Variants in CREBRF observed in about 807,000 individuals in gnomAD.
CREBRF encodes the protein UPF0474 protein C5orf41.
In CREBRF, 5 loss-of-function variants were observed where a neutral mutation model predicts 66.1. The ratio of observed to expected loss-of-function variants is 0.08; its 90% CI spans 0.04 to 0.16. The LOEUF is 0.16. CREBRF is among the 10% of genes least tolerant of loss of function. CREBRF has a pLI of 1.00. For synonymous variants in CREBRF, 229 were observed against 264.4 expected, an observed-to-expected ratio of 0.87 and a Z score of 1.30; for missense variants, 531 against 744.9, an observed-to-expected ratio of 0.71 and a Z score of 3.34.
At chr5:173,109,191 A>T (rs1376301477) in intron 5 of CREBRF, 2 of 171,772 alleles carry the variant, frequency 1.2e-5, no homozygotes, top group African/African-American at 4.7e-5. Flanking sequence ...TAATCCCCAG[A>T]TGTAAATGGG....
intron 4 of CREBRF, chr5:173,092,214 C>G (rs1758361094): frequency 1.0e-6 from 1 of 962,762 alleles, no homozygotes; most frequent in African/African-American, 1.8e-5. Flanking sequence ...TTCCAATACC[C>G]AACAAAGTCT....
rs1241612570 is a variant in CREBRF at position 173,126,175 on chromosome 5, C to G, written c.1804+2973C>G. On this transcript the variant is annotated intron_variant, in intron 8 of 8. Transcript: ENST00000296953. ...TTTTGTTTTGAGACAGAGTCTCACT[C>G]TGTCGCCCAGGCTGGAGTGCAGTGG... Among the ~76,000 whole-genome samples the G allele has an allele frequency of 3.3e-5, 5 of 152,096 alleles. No homozygotes were observed. In the East Asian group the frequency reaches 7.7e-4, roughly 23 times the overall value.
At chr5:173,083,201 T>A (rs1758020627) in intron 2 of CREBRF, among the ~76,000 whole-genome samples, 1 of 151,960 alleles carries the variant, frequency 6.6e-6, no homozygotes, top group Admixed American at 6.6e-5. Flanking sequence ...AGAGCGAGAC[T>A]CTGTCTCTCC....
At chr5:173,062,426 G>A (rs941565478) in intron 1 of CREBRF, among the ~76,000 whole-genome samples, 3 of 152,136 alleles carry the variant, frequency 2.0e-5, no homozygotes, top group African/African-American at 7.2e-5. Flanking sequence ...AGTTAGAAAG[G>A]AGGAATTAAT....
At chr5:173,132,931 A>C (rs1759510756) in intron 8 of CREBRF, among the ~76,000 whole-genome samples, 1 of 151,880 alleles carries the variant, frequency 6.6e-6, no homozygotes, top group Admixed American at 6.6e-5. Context: ...CACCGTGCCT[A>C]GCTGACAAAT....
intron 7 of CREBRF, among the ~76,000 whole-genome samples, chr5:173,121,905 G>A (rs1759147244): frequency 6.6e-6 from 1 of 151,980 alleles, no homozygotes; most frequent in South Asian, 2.1e-4. Context: ...ACCTAGGCTG[G>A]AGCACAGCGG....
chr5:173,116,539 A>T (rs1466137705), intron 7 of CREBRF, among the ~76,000 whole-genome samples: 1 of 152,190 alleles, frequency 6.6e-6, no homozygotes, highest in Non-Finnish European at 1.5e-5. Flanking sequence ...AAATTCCTCC[A>T]TGTTGTTACC....
Position 173,057,953 on chromosome 5 carries a change from G to A in CREBRF, c.-192+1474G>A, listed in dbSNP as rs138576676. On this transcript the variant is annotated intron_variant, in intron 1 of 8. Coordinates refer to ENST00000296953, the MANE Select transcript of CREBRF (RefSeq NM_153607.3). ...GCTTCTTGAGAAAACTGAGCCCACA[G>A]GAAGTTATTTAGTTTCGAAGGTTCT... 2.6e-5 allele frequency among the ~76,000 whole-genome samples: 4 copies of A among 152,004 alleles called. No individual in the cohort carries two copies. In the East Asian group the frequency reaches 5.8e-4, roughly 22 times the overall value.
At chr5:173,082,695 G>A (rs1757993780) in intron 2 of CREBRF, among the ~76,000 whole-genome samples, 1 of 151,698 alleles carries the variant, frequency 6.6e-6, no homozygotes, top group Non-Finnish European at 1.5e-5. Flanking sequence ...ATCACTTGAG[G>A]TCAGGAGTTT....
chr5:173,094,942 C>T (rs1316984715), intron 4 of CREBRF, among the ~76,000 whole-genome samples: 6 of 151,920 alleles, frequency 3.9e-5, no homozygotes, highest in African/African-American at 9.7e-5. Flanking sequence ...TAATCCATTT[C>T]GAGTTGATTT....
intron 1 of CREBRF, chr5:173,057,804 CG>C (rs1374411745): frequency 1.5e-5 from 2 of 135,034 alleles, no homozygotes; most frequent in Non-Finnish European, 3.2e-5. Flanking sequence ...GAGGGCTGGG[CG>C]GGGTTTCTTT....
At chr5:173,121,384 G>A (rs1057233402) in intron 7 of CREBRF, among the ~76,000 whole-genome samples, 8 of 150,764 alleles carry the variant, frequency 5.3e-5, no homozygotes, top group Non-Finnish European at 5.9e-5. Flanking sequence ...GTGCAGTGGC[G>A]CAGTCTCGGC....
At chr5:173,122,567 C>CTTT (rs1248800932) in intron 7 of CREBRF, among the ~76,000 whole-genome samples, 24 of 123,184 alleles carry the variant, frequency 1.9e-4, no homozygotes, top group African/African-American at 7.3e-4. Flanking sequence ...TCTATTATTT[C>CTTT]TTTTATTATT....
chr5:173,116,011 T>A (rs973132968), intron 7 of CREBRF, among the ~76,000 whole-genome samples: 4 of 152,140 alleles, frequency 2.6e-5, no homozygotes, highest in African/African-American at 9.7e-5. Context: ...AAATCACTGG[T>A]TTTTACACCA....
chr5:173,084,543 A>AG (rs34896840), intron 2 of CREBRF, among the ~76,000 whole-genome samples: 1 of 152,198 alleles, frequency 6.6e-6, no homozygotes, highest in East Asian at 1.9e-4. Context: ...GGGAGGGGGA[A>AG]GGGGGGACCA....
chr5:173,131,692 GTA>G (rs1212006375), intron 8 of CREBRF, among the ~76,000 whole-genome samples: 1 of 102,094 alleles, frequency 9.8e-6, no homozygotes, highest in Admixed American at 1.0e-4. Context: ...TTGTATATAT[GTA>G]TACACACACA....
intron 4 of CREBRF, among the ~76,000 whole-genome samples, chr5:173,095,221 T>C (rs1481263484): frequency 6.8e-6 from 1 of 146,722 alleles, no homozygotes. Context: ...TGGAGTCTCG[T>C]TCTGTTGCTC....
At position 173,091,285 on chromosome 5, in the gene CREBRF, A is replaced by C. The variant is rs777845440; in HGVS notation, c.1106A>C (p.His369Pro). Residue 369 changes from histidine to proline, a missense_variant, in exon 4 of 9, where the codon CAT (histidine) becomes CCT (proline). This residue lies in a region of CREBRF where 309 missense variants were observed against 341.4 expected (regional missense o/e 0.90). Coordinates refer to ENST00000296953, the MANE Select transcript of CREBRF (RefSeq NM_153607.3). Reference protein sequence around the residue: ...EDEEDVDDEDHDEGFGSEHEL... With the variant: ...EDEEDVDDEDPDEGFGSEHEL... Reference sequence around the variant, plus strand: ...GAGGAGGATGTTGATGATGAGGACCATGATGAAGGATTCGGCAGTGAGCAT... The same window carrying C: ...GAGGAGGATGTTGATGATGAGGACCCTGATGAAGGATTCGGCAGTGAGCAT... 6.2e-7 allele frequency: 1 copy of C among 1,613,728 alleles called. No individual in the cohort carries two copies. The highest frequency in any genetic ancestry group is 1.1e-5 in the South Asian group (1 of 91,034).
intron 3 of CREBRF, among the ~76,000 whole-genome samples, chr5:173,087,238 C>T (rs548601386): frequency 2.9e-4 from 44 of 152,100 alleles, no homozygotes; most frequent in African/African-American, 7.2e-4. Flanking sequence ...TGAGTCACTG[C>T]GCCCAGCCTA....
Sources: gnomAD v4.1 joint callset for allele counts (sites outside exome capture counted in the v4.1 genomes callset) on GRCh38, gnomAD v4.1.1 for gene constraint, gnomAD v4.1.1 regional missense constraint, MANE v1.5 for transcripts, NCBI Gene and HGNC (gene_info 2026-07-23, HGNC 2026-07-21) for gene names.